GPC5: variants seen among roughly 807,000 people sequenced by gnomAD.
GPC5 encodes the protein glypican 5.
Under a neutral mutation model 53.9 loss-of-function variants are expected in GPC5, and 47 were observed. That is an observed-to-expected ratio of 0.87 (90% confidence interval 0.69 to 1.11). The LOEUF (loss-of-function observed/expected upper bound fraction) is 1.11. Ranked by LOEUF, GPC5 falls within the 50% of genes most tolerant of loss-of-function variation. The pLI is 0.00. For missense variants in GPC5, 748 were observed against 713.1 expected, an observed-to-expected ratio of 1.05 and a Z score of -0.56; for synonymous variants, 286 against 263.3, an observed-to-expected ratio of 1.09 and a Z score of -0.84.
At position 92,741,910 on chromosome 13, in the gene GPC5, T is replaced by A. The variant is rs1417251100; in HGVS notation, c.1562-124372T>A. ...TTCATCCACGTCCCTACAAAGGACA[T>A]GAACCCATCCTTTTTATGGCTGCAT... On this transcript the variant is annotated intron_variant, in intron 7 of 7. Transcript: ENST00000377067. Among the ~76,000 whole-genome samples, 4 of 152,162 alleles carry A rather than the reference T, an allele frequency of 2.6e-5. No homozygotes were observed. In the East Asian group the frequency reaches 7.7e-4, roughly 29 times the overall value.
At chr13:92,483,500 C>T (rs1239325662) in intron 7 of GPC5, among the ~76,000 whole-genome samples, 2 of 152,048 alleles carry the variant, frequency 1.3e-5, no homozygotes, top group Non-Finnish European at 2.9e-5. Context: ...AGCTTTCAGG[C>T]CACAAAGTTA....
chr13:92,832,957 G>A (rs550720018), intron 7 of GPC5, among the ~76,000 whole-genome samples: 4 of 152,244 alleles, frequency 2.6e-5, no homozygotes, highest in East Asian at 1.9e-4. Context: ...GCAGTGAGCC[G>A]AGACTGCCAA....
chr13:91,698,576 A>G (rs1286534500), intron 3 of GPC5, among the ~76,000 whole-genome samples: 2 of 152,220 alleles, frequency 1.3e-5, no homozygotes, highest in Non-Finnish European at 2.9e-5. Context: ...ATTTTCCTAC[A>G]ATATGGATGT....
At chr13:92,354,482 A>G (rs1229196578) in intron 7 of GPC5, among the ~76,000 whole-genome samples, 5 of 152,232 alleles carry the variant, frequency 3.3e-5, no homozygotes, top group African/African-American at 1.2e-4. Context: ...ACAATTTTAG[A>G]CTAACATTCG....
chr13:92,766,183 C>T (rs1187628558), intron 7 of GPC5, among the ~76,000 whole-genome samples: 1 of 152,082 alleles, frequency 6.6e-6, no homozygotes, highest in African/African-American at 2.4e-5. Flanking sequence ...CTACCTGCAC[C>T]AATGCTAAAG....
intron 7 of GPC5, among the ~76,000 whole-genome samples, chr13:92,673,223 A>T (rs994984953): frequency 6.6e-6 from 1 of 152,174 alleles, no homozygotes; most frequent in African/African-American, 2.4e-5. Context: ...AACAAGAGAT[A>T]AATATCTCTG....
chr13:92,717,779 T>A (rs923148179), intron 7 of GPC5, among the ~76,000 whole-genome samples: 1 of 152,208 alleles, frequency 6.6e-6, no homozygotes, highest in Admixed American at 6.5e-5. Context: ...TTTGGAGACA[T>A]CATAGTGAAT....
intron 3 of GPC5, among the ~76,000 whole-genome samples, chr13:91,697,357 G>A (rs1392523456): frequency 6.6e-6 from 1 of 152,042 alleles, no homozygotes; most frequent in Non-Finnish European, 1.5e-5. Flanking sequence ...TGGACAGGCT[G>A]GTCTCAAACT....
At chr13:92,472,797 G>T (rs1878962450) in intron 7 of GPC5, among the ~76,000 whole-genome samples, 1 of 152,060 alleles carries the variant, frequency 6.6e-6, no homozygotes, top group South Asian at 2.1e-4. Flanking sequence ...ATGTCTGAGG[G>T]TTCCCAGATT....
At chr13:91,748,150 C>T (rs567795985) in intron 4 of GPC5, among the ~76,000 whole-genome samples, 1 of 152,324 alleles carries the variant, frequency 6.6e-6, no homozygotes, top group Non-Finnish European at 1.5e-5. Flanking sequence ...CTCTTTCTAT[C>T]TCTGTCTTCA....
chr13:92,724,279 A>C (rs1888577663), intron 7 of GPC5, among the ~76,000 whole-genome samples: 1 of 151,658 alleles, frequency 6.6e-6, no homozygotes, highest in Non-Finnish European at 1.5e-5. Context: ...TTTTTAGCAA[A>C]ATAAATAAGT....
chr13:92,752,968 C>G (rs1239640736), intron 7 of GPC5, among the ~76,000 whole-genome samples: 1 of 152,170 alleles, frequency 6.6e-6, no homozygotes, highest in Non-Finnish European at 1.5e-5. Context: ...CCAGGAAGCT[C>G]GAACTGGGTG....
At chr13:91,672,161 A>G (rs2035265976) in intron 2 of GPC5, among the ~76,000 whole-genome samples, 1 of 152,226 alleles carries the variant, frequency 6.6e-6, no homozygotes, top group African/African-American at 2.4e-5. Flanking sequence ...CCTAGGCAAT[A>G]TGATTCAAGA....
At chr13:92,084,864 C>T (rs1390560170) in intron 6 of GPC5, among the ~76,000 whole-genome samples, 2 of 152,110 alleles carry the variant, frequency 1.3e-5, no homozygotes, top group African/African-American at 4.8e-5. Flanking sequence ...TATAAGAAAA[C>T]ACGTTAGACA....
At chr13:91,585,294 T>C (rs912019221) in intron 2 of GPC5, among the ~76,000 whole-genome samples, 1 of 152,180 alleles carries the variant, frequency 6.6e-6, no homozygotes, top group Admixed American at 6.5e-5. Context: ...TCTGTGTATA[T>C]ACCCAAAAGA....
intron 7 of GPC5, among the ~76,000 whole-genome samples, chr13:92,266,063 A>G (rs1414069480): frequency 6.6e-6 from 1 of 152,212 alleles, no homozygotes; most frequent in Non-Finnish European, 1.5e-5. Flanking sequence ...TTATTGGGAT[A>G]AAACCCTCAT....
intron 7 of GPC5, among the ~76,000 whole-genome samples, chr13:92,393,267 G>A (rs1019152725): frequency 6.6e-6 from 1 of 152,120 alleles, no homozygotes; most frequent in Non-Finnish European, 1.5e-5. Flanking sequence ...TGGAGCTGGA[G>A]ATCATTATTC....
intron 6 of GPC5, among the ~76,000 whole-genome samples, chr13:92,023,125 G>A (rs1006891696): frequency 3.9e-5 from 6 of 152,042 alleles, no homozygotes; most frequent in Non-Finnish European, 8.8e-5. Flanking sequence ...TGATGACAGT[G>A]TTAAGTTTTC....
chr13:91,924,715 T>C (rs1237573749), intron 6 of GPC5, among the ~76,000 whole-genome samples: 1 of 152,126 alleles, frequency 6.6e-6, no homozygotes, highest in African/African-American at 2.4e-5. Flanking sequence ...CATTCCAGCC[T>C]GGGTGACATA....
Sources: allele counts gnomAD v4.1 joint callset (sites outside exome capture counted in the v4.1 genomes callset), GRCh38; gene constraint gnomAD v4.1.1; transcripts MANE v1.5; gene names NCBI Gene and HGNC (gene_info 2026-07-23, HGNC 2026-07-21).